Variants in STX3 observed in about 807,000 individuals in gnomAD.
STX3 encodes syntaxin 3.
In STX3, 19 loss-of-function variants were observed where a neutral mutation model predicts 40.2. The ratio of observed to expected loss-of-function variants is 0.47; its 90% CI spans 0.33 to 0.69. STX3 has a LOEUF of 0.69. STX3 is among the 30% of genes least tolerant of loss of function. The pLI, the probability that STX3 is intolerant of heterozygous loss-of-function variation, is 0.02. For missense variants in STX3, 364 were observed against 366.7 expected, an observed-to-expected ratio of 0.99 and a Z score of 0.06; for synonymous variants, 122 against 132.2, an observed-to-expected ratio of 0.92 and a Z score of 0.53.
At chr11:59,778,306 A>G (rs929793999) in intron 2 of STX3, among the ~76,000 whole-genome samples, 1 of 152,130 alleles carries the variant, frequency 6.6e-6, no homozygotes, top group South Asian at 2.1e-4. Flanking sequence ...AGAAAAGTCC[A>G]AAGGTCCTTT....
chr11:59,765,965 C>G (rs944715937), intron 1 of STX3, among the ~76,000 whole-genome samples: 1 of 152,216 alleles, frequency 6.6e-6, no homozygotes, highest in Non-Finnish European at 1.5e-5. Context: ...AATTTGTACT[C>G]GCTTGGTTGT....
chr11:59,790,393 A>G, intron 4 of STX3, 126 bp from the exon 5 acceptor site: 1 of 715,572 alleles, frequency 1.4e-6, no homozygotes, highest in Non-Finnish European at 2.5e-6. Flanking sequence ...TGACCTTTTG[A>G]GGTGACACCT....
chr11:59,778,799 A>G (rs991759848), intron 2 of STX3, among the ~76,000 whole-genome samples: 3 of 149,434 alleles, frequency 2.0e-5, no homozygotes, highest in Non-Finnish European at 4.5e-5. Context: ...TGGAACTTCT[A>G]TTAATAAGGA....
intron 8 of STX3, 123 bp downstream of exon 8, chr11:59,793,637 C>A: frequency 7.5e-7 from 1 of 1,341,912 alleles, no homozygotes; most frequent in African/African-American, 1.5e-5. Context: ...TGGGAATTTG[C>A]ATAAAGGAGA....
chr11:59,773,572 T>C (rs186982001), intron 2 of STX3, among the ~76,000 whole-genome samples: 1 of 152,362 alleles, frequency 6.6e-6, no homozygotes, highest in African/African-American at 2.4e-5. Context: ...TTTAATGATA[T>C]CCTTTCTTGC....
chr11:59,793,577 C>T, intron 8 of STX3, 63 bp downstream of exon 8: 1 of 1,556,528 alleles, frequency 6.4e-7, no homozygotes, highest in Non-Finnish European at 8.7e-7. Flanking sequence ...CTACTGAGAA[C>T]AGGGAGAAAG....
At chr11:59,772,511 T>C (rs950916145) in intron 1 of STX3, among the ~76,000 whole-genome samples, 1 of 152,164 alleles carries the variant, frequency 6.6e-6, no homozygotes, top group Non-Finnish European at 1.5e-5. Context: ...TCCTTTGTGA[T>C]AGGTGGTTTC....
chr11:59,772,832 A>G (rs767111535), intron 1 of STX3, among the ~76,000 whole-genome samples: 25 of 152,124 alleles, frequency 1.6e-4, no homozygotes, highest in Non-Finnish European at 2.5e-4. Flanking sequence ...AGCATCCTAT[A>G]TTCATTATCT....
At chr11:59,793,564 G>T in intron 8 of STX3, 50 bp downstream of exon 8, 1 of 1,585,518 alleles carries the variant, frequency 6.3e-7, no homozygotes, top group Non-Finnish European at 8.6e-7. Flanking sequence ...GAAAGCTCAG[G>T]GTCTACTGAG....
At chr11:59,797,688 T>A (rs1865604851) in intron 10 of STX3, among the ~76,000 whole-genome samples, 1 of 152,232 alleles carries the variant, frequency 6.6e-6, no homozygotes, top group Admixed American at 6.5e-5. Context: ...GTGACTCCCC[T>A]TACTCAGGAA....
chr11:59,773,674 A>T (rs1462329478), intron 2 of STX3, among the ~76,000 whole-genome samples: 1 of 152,160 alleles, frequency 6.6e-6, no homozygotes, highest in Non-Finnish European at 1.5e-5. Context: ...AGATACATCA[A>T]ATGTGTAGTT....
intron 2 of STX3, among the ~76,000 whole-genome samples, chr11:59,776,469 G>A (rs189379619): frequency 3.3e-5 from 5 of 151,666 alleles, no homozygotes; most frequent in Admixed American, 2.6e-4. Context: ...GTTGAAATTG[G>A]GATAAATTAT....
chr11:59,755,373 G>A (rs1021152497), upstream of STX3: 23 of 347,732 alleles, frequency 6.6e-5, no homozygotes, highest in Non-Finnish European at 1.1e-4. Flanking sequence ...CGGCCCGGGA[G>A]CCGGATTTGG....
chr11:59,798,728 C>T (rs547399325), intron 10 of STX3, among the ~76,000 whole-genome samples: 2 of 149,990 alleles, frequency 1.3e-5, no homozygotes, highest in Admixed American at 1.3e-4. Context: ...CCATGTTGGC[C>T]ATGCTGGTCT....
intron 10 of STX3, chr11:59,800,007 C>T (rs992290943): frequency 1.0e-6 from 1 of 985,450 alleles, no homozygotes; most frequent in Non-Finnish European, 1.2e-6. Flanking sequence ...GTGCCCCTTT[C>T]TATTCCTAAT....
intron 1 of STX3, among the ~76,000 whole-genome samples, chr11:59,764,266 A>G (rs571988946): frequency 6.6e-6 from 1 of 152,334 alleles, no homozygotes; most frequent in Non-Finnish European, 1.5e-5. Flanking sequence ...AGCAAAAACA[A>G]GGCCCAATTT....
chr11:59,790,110 G>T (rs1020231607), intron 4 of STX3, among the ~76,000 whole-genome samples: 40 of 152,196 alleles, frequency 2.6e-4, no homozygotes, highest in African/African-American at 9.7e-4. Context: ...CAGTGATAGT[G>T]CACCTGCCAT....
chr11:59,759,338 C>T (rs147787395), intron 1 of STX3, among the ~76,000 whole-genome samples: 1 of 152,300 alleles, frequency 6.6e-6, no homozygotes, highest in Non-Finnish European at 1.5e-5. Context: ...CTCAAGGGAG[C>T]ATCAGCAGGG....
At position 59,795,392 on chromosome 11, in the gene STX3, A is replaced by G. The variant is rs1471796387; in HGVS notation, c.696A>G (p.Ile232Met). 1.2e-6 allele frequency: 2 copies of G among 1,613,326 alleles called. No homozygotes were observed. The highest frequency in any genetic ancestry group is 8.5e-7 in the Non-Finnish European group (1 of 1,179,752). Residue 232 changes from isoleucine (I) to methionine (M), a missense_variant, in exon 9 of 11, where the codon ATA becomes ATG. Physicochemically the swap from Ile to Met is conservative, Grantham distance 10. Coordinates refer to ENST00000337979, the MANE Select transcript of STX3 (RefSeq NM_004177.5). The part of the protein sequence containing the change: ...VENQGEMLDN[I>M]ELNVMHTVDH... ...TGCAGGGTGAGATGTTAGATAACATAGAGTTGAATGTCATGCACACAGTGG... is the reference window on the plus strand; with the variant it reads ...TGCAGGGTGAGATGTTAGATAACATGGAGTTGAATGTCATGCACACAGTGG...
Sources: allele counts gnomAD v4.1 joint callset (sites outside exome capture counted in the v4.1 genomes callset), GRCh38; gene constraint gnomAD v4.1.1; transcripts MANE v1.5; gene names NCBI Gene and HGNC (gene_info 2026-07-23, HGNC 2026-07-21).